The following SRPK2 variants were observed in gnomAD, a reference collection of about 807,000 sequenced individuals.
The protein encoded by SRPK2 is SRSF protein kinase 2, also known as SFRS protein kinase 2.
In SRPK2, 21 loss-of-function variants were observed where a neutral mutation model predicts 90.8. The observed-to-expected ratio is 0.23, with a 90% CI of 0.16 to 0.33. The LOEUF (loss-of-function observed/expected upper bound fraction) is 0.33, where lower values mean the gene tolerates loss of function less well. SRPK2 is among the 10% of genes least tolerant of loss of function. The pLI is 1.00. For missense variants in SRPK2, 620 were observed against 869.0 expected (o/e 0.71, Z 3.60); for synonymous variants, 288 against 311.1 (o/e 0.93, Z 0.78).
rs567381862 is a variant in SRPK2 at position 105,297,603 on chromosome 7, G to C, written c.71+91045C>G. 1.2e-5 allele frequency: 6 copies of C among 519,114 alleles called. No homozygotes were observed. The South Asian group carries it at 4.1e-4, about 36-fold the overall frequency. The allele number at this position is 519,114 out of a possible 1,614,324, so 32.2% of individuals were successfully genotyped here. ...AGGTCCACGCTACAATTACCTAAAA[G>C]GTCTTCCGAGATTATCACAATCTGG... On this transcript the variant is annotated intron_variant, in intron 2 of 15. Coordinates refer to ENST00000393651, the MANE Select transcript of SRPK2 (RefSeq NM_182692.3).
intron 13 of SRPK2, among the ~76,000 whole-genome samples, chr7:105,127,501 G>A (rs1386485820): frequency 1.3e-5 from 2 of 152,200 alleles, no homozygotes. Context: ...AGACCTTCAT[G>A]TTTTAGTAAC....
intron 2 of SRPK2, among the ~76,000 whole-genome samples, chr7:105,363,279 C>T (rs961789187): frequency 6.6e-6 from 1 of 152,092 alleles, no homozygotes; most frequent in African/African-American, 2.4e-5. Context: ...ATCTACCCAT[C>T]TGACAAAGGG....
At position 105,383,052 on chromosome 7, in the gene SRPK2, AATTTTTTTTT is replaced by A. The variant is rs1485168030; in HGVS notation, c.71+5586_71+5595del. On this transcript the variant is annotated intron_variant, in intron 2 of 15. Coordinates refer to ENST00000393651, the MANE Select transcript of SRPK2 (RefSeq NM_182692.3). ...AGTCTGAAATTATTTCAAAAGTAAA[AATTTTTTTTT>A]TTTTTTTTTTTTTTTTTTTGGAGAC... Among the ~76,000 whole-genome samples, 326 of 105,324 alleles carry A rather than the reference AATTTTTTTTT, an allele frequency of 3.1e-3. 18 individuals are homozygous for A. The highest frequency in any genetic ancestry group is 6.0e-3 in the East Asian group (19 of 3,162). The allele number at this position is 105,324 out of a possible 152,430, so 69.1% of individuals were successfully genotyped here. A position where few individuals can be genotyped will look rare whatever the true frequency, so the allele number is the denominator to read the frequency against.
intron 2 of SRPK2, among the ~76,000 whole-genome samples, chr7:105,385,549 G>A (rs902818001): frequency 6.6e-6 from 1 of 152,100 alleles, no homozygotes; most frequent in Admixed American, 6.6e-5. Context: ...TACGAGGGTA[G>A]ACACGCTCTG....
At chr7:105,204,811 A>G in intron 2 of SRPK2, 1 of 509,386 alleles carries the variant, frequency 2.0e-6, no homozygotes. Flanking sequence ...CATGCGCCCT[A>G]TTTTAAGGGT....
At chr7:105,203,250 A>G (rs1218717833) in intron 3 of SRPK2, among the ~76,000 whole-genome samples, 1 of 152,058 alleles carries the variant, frequency 6.6e-6, no homozygotes, top group Non-Finnish European at 1.5e-5. Flanking sequence ...TCGACCTCCT[A>G]AAGTGCTGGG....
rs200481975 is a variant in SRPK2, at chr7:105,345,824, ATTAGAG to A, written c.71+42818_71+42823del. On this transcript the variant is annotated intron_variant, in intron 2 of 15. Transcript: ENST00000393651. ...GCCCCATGTAGCTATTTAAATTTAA[ATTAGAG>A]TTAAATAAAATTAAAAACCGGTTCC... 1.8e-3 allele frequency among the ~76,000 whole-genome samples: 280 copies of A among 152,350 alleles called. 5 individuals carry two copies. In the East Asian group the frequency reaches 0.049, roughly 27 times the overall value.
At chr7:105,247,106 C>T (rs572287226) in intron 2 of SRPK2, among the ~76,000 whole-genome samples, 1 of 152,280 alleles carries the variant, frequency 6.6e-6, no homozygotes, top group East Asian at 1.9e-4. Context: ...AAATCCAAAC[C>T]ATGCTTCCAT....
chr7:105,172,995 C>T (rs1425157320), intron 3 of SRPK2, among the ~76,000 whole-genome samples: 2 of 152,186 alleles, frequency 1.3e-5, no homozygotes, highest in African/African-American at 4.8e-5. Context: ...CATAGCAGCT[C>T]CTTTTCTCAA....
intron 2 of SRPK2, among the ~76,000 whole-genome samples, chr7:105,380,739 G>T (rs193016581): frequency 1.1e-3 from 174 of 151,634 alleles, no homozygotes; most frequent in Middle Eastern, 3.4e-3. Context: ...GGTCAGGATG[G>T]TCTTGATCTC....
At chr7:105,160,393 A>G (rs1807432211) in intron 7 of SRPK2, 114 bp downstream of exon 7, 1 of 579,862 alleles carries the variant, frequency 1.7e-6, no homozygotes, top group Non-Finnish European at 3.2e-6. Flanking sequence ...CATAACATAT[A>G]TACATTATGC....
intron 2 of SRPK2, among the ~76,000 whole-genome samples, chr7:105,282,051 AG>A (rs1807414026): frequency 6.6e-6 from 1 of 152,246 alleles, no homozygotes; most frequent in Non-Finnish European, 1.5e-5. Flanking sequence ...CTTCGTAGTC[AG>A]TTTTGGCTTC....
intron 2 of SRPK2, among the ~76,000 whole-genome samples, chr7:105,388,428 G>T (rs1244491507): frequency 1.3e-5 from 2 of 148,180 alleles, no homozygotes; most frequent in East Asian, 4.0e-4. Context: ...GCGGGGTCGA[G>T]GCTCCGTGAT....
chr7:105,318,563 T>C (rs936301152), intron 2 of SRPK2, among the ~76,000 whole-genome samples: 1 of 152,246 alleles, frequency 6.6e-6, no homozygotes, highest in Non-Finnish European at 1.5e-5. Context: ...AATCAGTGTT[T>C]ATACCATTAC....
chr7:105,376,848 C>CTT (rs35855824), intron 2 of SRPK2, among the ~76,000 whole-genome samples: 7 of 99,024 alleles, frequency 7.1e-5, no homozygotes, highest in Non-Finnish European at 1.4e-4. Context: ...CCCCACCCCC[C>CTT]TTTTTTTTTT....
chr7:105,383,545 C>T (rs769651543), intron 2 of SRPK2, among the ~76,000 whole-genome samples: 1 of 151,692 alleles, frequency 6.6e-6, no homozygotes, highest in Admixed American at 6.6e-5. Flanking sequence ...CTCAGCCTCC[C>T]GAGTAGCTGG....
chr7:105,171,149 T>C (rs529841096), intron 3 of SRPK2, among the ~76,000 whole-genome samples: 19 of 152,100 alleles, frequency 1.2e-4, no homozygotes, highest in African/African-American at 4.6e-4. Flanking sequence ...TAAGGTAGAT[T>C]CTTGAGGGCA....
In SRPK2 at chr7:105,170,971, A is replaced by AAGAAAG. The variant is rs1280336355; in HGVS notation, c.230-1712_230-1707dup. ...AGAAAGAAAGAAAGAAAGAAAGAGA[A>AAGAAAG]AGAAAGAGAAAGAAAGAAAGAAAGA... On this transcript the variant is annotated intron_variant, in intron 3 of 15. Coordinates refer to ENST00000393651, the MANE Select transcript of SRPK2 (RefSeq NM_182692.3). Among the ~76,000 whole-genome samples, 23 of 81,320 alleles carry AAGAAAG rather than the reference A, an allele frequency of 2.8e-4. 1 individual carries two copies. The highest frequency in any genetic ancestry group is 8.6e-4 in the African/African-American group (17 of 19,692). 53.3% of individuals were successfully genotyped at this position (81,320 alleles called of 152,430 possible).
intron 7 of SRPK2, among the ~76,000 whole-genome samples, chr7:105,159,286 G>T (rs2129581581): frequency 1.3e-5 from 2 of 151,704 alleles, no homozygotes; most frequent in Non-Finnish European, 2.9e-5. Context: ...AGGAGTTTGA[G>T]ACCACCCTGG....
Sources: gnomAD v4.1 joint callset for allele counts (sites outside exome capture counted in the v4.1 genomes callset) on GRCh38, gnomAD v4.1.1 for gene constraint, MANE v1.5 for transcripts, NCBI Gene and HGNC (gene_info 2026-07-23, HGNC 2026-07-21) for gene names.